P3H2: variants seen among roughly 807,000 people sequenced by gnomAD.
P3H2 encodes leprecan-like 1.
Under a neutral mutation model 87.0 loss-of-function variants are expected in P3H2, and 80 were observed. The observed-to-expected ratio is 0.92, with a 90% CI of 0.77 to 1.11. P3H2 has a LOEUF of 1.11. P3H2 is among the 50% of genes least tolerant of loss of function. The probability of loss-of-function intolerance (pLI) is 0.00; values close to 1 mark genes in which losing one functional copy is unlikely to be tolerated. For missense variants in P3H2, 1,001 were observed against 923.9 expected (o/e 1.08, Z -1.08); for synonymous variants, 367 against 359.3 (o/e 1.02, Z -0.24).
chr3:190,050,854 C>T (rs1725959978), intron 1 of P3H2, among the ~76,000 whole-genome samples: 1 of 152,084 alleles, frequency 6.6e-6, no homozygotes, highest in Non-Finnish European at 1.5e-5. Context: ...TACTAGTGAC[C>T]TCCTTCCAGC....
At chr3:190,001,450 C>T (rs547709861) in intron 1 of P3H2, among the ~76,000 whole-genome samples, 10 of 152,242 alleles carry the variant, frequency 6.6e-5, no homozygotes, top group African/African-American at 1.7e-4. Context: ...TTTCTACTTT[C>T]GTCACCCTAA....
intron 1 of P3H2, among the ~76,000 whole-genome samples, chr3:190,036,953 T>TAC (rs1321108774): frequency 2.0e-5 from 3 of 151,356 alleles, no homozygotes; most frequent in Admixed American, 6.6e-5. Flanking sequence ...AAAATATATA[T>TAC]ATATATTTAC....
intron 1 of P3H2, among the ~76,000 whole-genome samples, chr3:190,118,283 G>A (rs1257039029): frequency 6.6e-6 from 1 of 152,004 alleles, no homozygotes; most frequent in Non-Finnish European, 1.5e-5. Flanking sequence ...CCAGATATGA[G>A]AAAGGAAAAT....
At chr3:190,096,367 TAA>T (rs1727586382) in intron 1 of P3H2, among the ~76,000 whole-genome samples, 1 of 152,138 alleles carries the variant, frequency 6.6e-6, no homozygotes, top group South Asian at 2.1e-4. Context: ...TCTAGTGGTT[TAA>T]AAGTGTGTGG....
intron 1 of P3H2, among the ~76,000 whole-genome samples, chr3:190,048,258 G>A (rs149040953): frequency 0.018 from 2,719 of 152,308 alleles, 89 homozygotes; most frequent in African/African-American, 0.063. Context: ...CACTTTGGGA[G>A]GCTGAGGTGG....
rs1407111891 is a variant in P3H2 at position 190,120,557 on chromosome 3, C to A, written c.175G>T (p.Asp59Tyr). ...AAGTCGCGCACCGCTCGCTCGTAGT[C>A]TCCGCTGTAGTAGGCGGCCGCGCCG... The part of the protein sequence containing the change: ...ASGAAAYYSG[D>Y]YERAVRDLEA... Residue 59 changes from aspartate to tyrosine, a missense_variant, in exon 1 of 15, where the codon GAC becomes TAC. Transcript: ENST00000319332. 1 of 1,530,702 alleles carries A rather than the reference C, an allele frequency of 6.5e-7. No individual in the cohort carries two copies. The highest frequency in any genetic ancestry group is 1.9e-5 in the Admixed American group (1 of 51,888). The allele number at this position is 1,530,702 out of a possible 1,614,324, so 94.8% of individuals were successfully genotyped here. A position where few individuals can be genotyped will look rare whatever the true frequency, so the allele number is the denominator to read the frequency against.
At chr3:190,121,626 G>A (rs1451450759), upstream of P3H2, 1 of 152,186 alleles carries the variant, frequency 6.6e-6, no homozygotes, top group African/African-American at 2.4e-5. Context: ...TGCCTTTCCT[G>A]TGCAGCCCGT....
intron 1 of P3H2, among the ~76,000 whole-genome samples, chr3:190,056,589 A>G (rs1189064697): frequency 6.6e-6 from 1 of 152,238 alleles, no homozygotes; most frequent in Admixed American, 6.5e-5. Flanking sequence ...AATTTCAAGA[A>G]GTCGTGATGA....
At chr3:190,084,317 A>G (rs1727143924) in intron 1 of P3H2, among the ~76,000 whole-genome samples, 1 of 152,248 alleles carries the variant, frequency 6.6e-6, no homozygotes, top group South Asian at 2.1e-4. Context: ...CCGCTAAAGA[A>G]GAAAATAAGG....
intron 1 of P3H2, among the ~76,000 whole-genome samples, chr3:190,095,678 G>A (rs2108988443): frequency 6.7e-6 from 1 of 149,184 alleles, no homozygotes; most frequent in Non-Finnish European, 1.5e-5. Context: ...TCGGCTCACT[G>A]CAAGCTCCGC....
intron 1 of P3H2, among the ~76,000 whole-genome samples, chr3:189,998,180 T>C (rs781666891): frequency 1.6e-5 from 2 of 125,932 alleles, no homozygotes; most frequent in East Asian, 3.3e-4. Flanking sequence ...CATGAACACA[T>C]AATATAAGAG....
chr3:190,117,797 A>G (rs79577253), intron 1 of P3H2, among the ~76,000 whole-genome samples: 2,418 of 152,206 alleles, frequency 0.016, 65 homozygotes, highest in South Asian at 0.082. Context: ...GCAGTTTTAG[A>G]GGTTCACAAA....
intron 3 of P3H2, among the ~76,000 whole-genome samples, chr3:189,991,862 A>C (rs1723886917): frequency 6.6e-6 from 1 of 152,204 alleles, no homozygotes. Context: ...CTCTGTGGGC[A>C]TTTGGAGCAA....
intron 1 of P3H2, among the ~76,000 whole-genome samples, chr3:190,047,603 T>G (rs1725846270): frequency 2.0e-5 from 3 of 152,174 alleles, no homozygotes; most frequent in Non-Finnish European, 4.4e-5. Context: ...ACACCATGTT[T>G]CCTGTGAAGA....
At chr3:189,980,447 T>C (rs573407145) in intron 8 of P3H2, among the ~76,000 whole-genome samples, 26 of 151,744 alleles carry the variant, frequency 1.7e-4, no homozygotes, top group African/African-American at 5.6e-4. Flanking sequence ...CCTGTAGTCC[T>C]AGCTACTCAG....
intron 1 of P3H2, among the ~76,000 whole-genome samples, chr3:190,064,744 T>A (rs988548094): frequency 6.6e-6 from 1 of 152,154 alleles, no homozygotes; most frequent in Admixed American, 6.6e-5. Flanking sequence ...ATTTGAGTCA[T>A]ACCGTATAGT....
intron 1 of P3H2, among the ~76,000 whole-genome samples, chr3:190,063,230 A>C (rs982323970): frequency 6.6e-6 from 1 of 152,164 alleles, no homozygotes; most frequent in Admixed American, 6.6e-5. Flanking sequence ...TTAGTGCTGG[A>C]GTCTGCAGAT....
chr3:190,097,842 T>TA (rs781337550), intron 1 of P3H2, among the ~76,000 whole-genome samples: 88 of 152,224 alleles, frequency 5.8e-4, no homozygotes, highest in Non-Finnish European at 9.1e-4. Context: ...TGGAATGTAT[T>TA]AAAGGAGGTC....
At chr3:189,997,206 G>C (rs113064100) in intron 1 of P3H2, among the ~76,000 whole-genome samples, 1 of 152,090 alleles carries the variant, frequency 6.6e-6, no homozygotes, top group Non-Finnish European at 1.5e-5. Context: ...ATTTTTAGTA[G>C]AGATGGGGTT....
Sources: gnomAD v4.1 joint callset for allele counts (sites outside exome capture counted in the v4.1 genomes callset) on GRCh38, gnomAD v4.1.1 for gene constraint, MANE v1.5 for transcripts, NCBI Gene and HGNC (gene_info 2026-07-23, HGNC 2026-07-21) for gene names.